PLCL1: variants seen among roughly 807,000 people sequenced by gnomAD.
The protein encoded by PLCL1 is phospholipase C like 1 (inactive).
Under a neutral mutation model 84.4 loss-of-function variants are expected in PLCL1, and 41 were observed. The ratio of observed to expected loss-of-function variants is 0.49; its 90% confidence interval spans 0.38 to 0.63. PLCL1 has a LOEUF of 0.63. Among genes scored for constraint, PLCL1 ranks in the 30% least tolerant of loss-of-function variants. The probability of loss-of-function intolerance (pLI) is 0.00; values close to 1 mark genes in which losing one functional copy is unlikely to be tolerated. For synonymous variants in PLCL1, 490 were observed against 488.3 expected, an observed-to-expected ratio of 1.00 and a Z score of -0.05; for missense variants, 1,206 against 1,367.8, an observed-to-expected ratio of 0.88 and a Z score of 1.87.
intron 1 of PLCL1, among the ~76,000 whole-genome samples, chr2:197,915,298 C>T (rs1688573125): frequency 6.6e-6 from 1 of 152,144 alleles, no homozygotes; most frequent in East Asian, 1.9e-4. Context: ...AACAATACCA[C>T]ATAAAGTAGC....
At chr2:198,099,245 C>T (rs983811261) in intron 3 of PLCL1, among the ~76,000 whole-genome samples, 16 of 151,866 alleles carry the variant, frequency 1.1e-4, no homozygotes, top group African/African-American at 1.7e-4. Flanking sequence ...TTGGCTTTTG[C>T]GCTTTGTATT....
intron 1 of PLCL1, among the ~76,000 whole-genome samples, chr2:197,893,227 A>G (rs955988702): frequency 2.0e-5 from 3 of 152,184 alleles, no homozygotes; most frequent in Non-Finnish European, 4.4e-5. Flanking sequence ...CCTTCACTAC[A>G]TATATACTGT....
intron 5 of PLCL1, among the ~76,000 whole-genome samples, chr2:198,138,083 C>A (rs925959868): frequency 6.6e-6 from 1 of 152,164 alleles, no homozygotes; most frequent in Non-Finnish European, 1.5e-5. Flanking sequence ...CTGTTAAGTC[C>A]TGCCTGAGTA....
At chr2:198,109,407 T>C (rs1693563640) in intron 5 of PLCL1, among the ~76,000 whole-genome samples, 1 of 151,866 alleles carries the variant, frequency 6.6e-6, no homozygotes, top group Non-Finnish European at 1.5e-5. Context: ...AACATGAATT[T>C]TGGAAGGGAC....
intron 3 of PLCL1, among the ~76,000 whole-genome samples, chr2:198,095,738 T>C (rs953513308): frequency 6.6e-6 from 1 of 152,344 alleles, no homozygotes; most frequent in African/African-American, 2.4e-5. Flanking sequence ...TAGGGCACTA[T>C]CAAAACTAGT....
At chr2:198,134,302 C>A (rs991234673) in intron 5 of PLCL1, among the ~76,000 whole-genome samples, 26 of 152,046 alleles carry the variant, frequency 1.7e-4, no homozygotes, top group African/African-American at 6.3e-4. Context: ...GAATCTGGGG[C>A]ACCGAGAGTG....
At chr2:198,108,741 A>T (rs1003976809) in intron 5 of PLCL1, among the ~76,000 whole-genome samples, 1 of 152,002 alleles carries the variant, frequency 6.6e-6, no homozygotes, top group Non-Finnish European at 1.5e-5. Flanking sequence ...CTTCTGGAAG[A>T]TCCCACACTT....
chr2:198,096,467 A>G (rs1693195924), intron 3 of PLCL1, among the ~76,000 whole-genome samples: 1 of 152,150 alleles, frequency 6.6e-6, no homozygotes, highest in Non-Finnish European at 1.5e-5. Context: ...TTTTCCTAAT[A>G]TATTTGATCA....
chr2:197,937,204 T>A (rs75525530), intron 1 of PLCL1, among the ~76,000 whole-genome samples: 1,848 of 152,282 alleles, frequency 0.012, 47 homozygotes, highest in African/African-American at 0.041. Context: ...TGTTTTGAAA[T>A]CAAGAAGTGG....
intron 5 of PLCL1, among the ~76,000 whole-genome samples, chr2:198,134,502 T>G (rs1821430): frequency 0.37 from 56,390 of 151,994 alleles, 11,499 homozygotes; most frequent in Middle Eastern, 0.59. Flanking sequence ...TAATAACTCT[T>G]TGGCCACTTC....
At chr2:197,923,234 G>A (rs1444813636) in intron 1 of PLCL1, among the ~76,000 whole-genome samples, 1 of 149,916 alleles carries the variant, frequency 6.7e-6, no homozygotes, top group South Asian at 2.1e-4. Flanking sequence ...TCCCGGATGG[G>A]GCGGCTGGCC....
intron 1 of PLCL1, among the ~76,000 whole-genome samples, chr2:197,971,391 G>A (rs1329099927): frequency 6.6e-6 from 1 of 152,130 alleles, no homozygotes; most frequent in Admixed American, 6.5e-5. Flanking sequence ...ACAAATAAAG[G>A]GTGGGGGAAA....
intron 1 of PLCL1, among the ~76,000 whole-genome samples, chr2:197,954,591 C>A (rs866068906): frequency 6.6e-6 from 1 of 152,018 alleles, no homozygotes; most frequent in Non-Finnish European, 1.5e-5. Context: ...TCATGTAATG[C>A]GTGTGCACTT....
intron 1 of PLCL1, among the ~76,000 whole-genome samples, chr2:198,017,371 A>G (rs1377428668): frequency 1.3e-5 from 2 of 152,244 alleles, no homozygotes; most frequent in East Asian, 3.8e-4. Flanking sequence ...GGTTGGCTGA[A>G]TAAGAAGGAT....
At chr2:197,922,587 A>G (rs367544855) in intron 1 of PLCL1, among the ~76,000 whole-genome samples, 35,217 of 100,046 alleles carry the variant, frequency 0.35, 6,949 homozygotes, top group East Asian at 0.66. Flanking sequence ...CAGTAGGGGC[A>G]GCCGGGCAGA....
intron 1 of PLCL1, among the ~76,000 whole-genome samples, chr2:197,937,768 C>T (rs1477508564): frequency 6.6e-6 from 1 of 152,130 alleles, no homozygotes; most frequent in Admixed American, 6.5e-5. Flanking sequence ...ATAAATCAGT[C>T]AGGTGCTTTA....
chr2:197,998,216 T>TGTGTGTGTGTGTGTGTGA (rs1288667570), intron 1 of PLCL1, among the ~76,000 whole-genome samples: 4 of 149,068 alleles, frequency 2.7e-5, no homozygotes, highest in Non-Finnish European at 4.5e-5. Flanking sequence ...TGTGTGTGTG[T>TGTGTGTGTGTGTGTGTGA]GATATGAGAT....
chr2:197,907,834 G>A (rs1016218168), intron 1 of PLCL1, among the ~76,000 whole-genome samples: 14 of 152,154 alleles, frequency 9.2e-5, no homozygotes, highest in African/African-American at 3.4e-4. Flanking sequence ...AACTGCTAAT[G>A]CCTGGTCTAT....
chr2:197,948,228 C>T (rs867629689), intron 1 of PLCL1, among the ~76,000 whole-genome samples: 1 of 152,062 alleles, frequency 6.6e-6, no homozygotes, highest in Non-Finnish European at 1.5e-5. Flanking sequence ...CCAAGGTAAC[C>T]TTTTAACTGG....
Sources: gnomAD v4.1 joint callset for allele counts (sites outside exome capture counted in the v4.1 genomes callset) on GRCh38, gnomAD v4.1.1 for gene constraint, MANE v1.5 for transcripts, NCBI Gene and HGNC (gene_info 2026-07-23, HGNC 2026-07-21) for gene names.